Variants in TRPM3 observed in about 807,000 individuals in gnomAD.
The protein encoded by TRPM3 is long transient receptor potential channel 3.
TRPM3 carries 77 observed loss-of-function variants against 181.2 expected under a neutral mutation model. The ratio of observed to expected loss-of-function variants is 0.42; its 90% confidence interval spans 0.35 to 0.51. The LOEUF is 0.51. Among genes scored for constraint, TRPM3 ranks in the 20% least tolerant of loss-of-function variants. TRPM3 has a pLI of 0.01. For synonymous variants in TRPM3, 745 were observed against 796.4 expected (o/e 0.94, Z 1.09); for missense variants, 1,759 against 2,196.7 (o/e 0.80, Z 3.98).
At chr9:70,938,871 T>C (rs1306818561) in intron 1 of TRPM3, among the ~76,000 whole-genome samples, 2 of 151,062 alleles carry the variant, frequency 1.3e-5, no homozygotes, top group East Asian at 3.9e-4. Flanking sequence ...GGCAGGAGAA[T>C]GGCATGAACC....
At chr9:70,810,184 C>T in intron 6 of TRPM3, 1 of 441,736 alleles carries the variant, frequency 2.3e-6, no homozygotes. Context: ...CTCTGCTTGC[C>T]TCCACCCCCA....
intron 1 of TRPM3, among the ~76,000 whole-genome samples, chr9:70,905,538 A>G (rs1413578582): frequency 6.6e-6 from 1 of 152,212 alleles, no homozygotes; most frequent in African/African-American, 2.4e-5. Context: ...AATAAAATAT[A>G]TTTAGTTATT....
At chr9:70,635,630 A>T (rs577503528) in intron 11 of TRPM3, among the ~76,000 whole-genome samples, 55 of 146,158 alleles carry the variant, frequency 3.8e-4, no homozygotes, top group Admixed American at 4.1e-4. Context: ...TTTTGATAAA[A>T]TTTTTTTTTT....
chr9:70,838,209 A>T (rs1564525738), intron 5 of TRPM3, among the ~76,000 whole-genome samples: 1 of 152,156 alleles, frequency 6.6e-6, no homozygotes, highest in Non-Finnish European at 1.5e-5. Flanking sequence ...TTCAGTCCTC[A>T]TTTTGGGGAG....
At chr9:71,105,912 G>A (rs1213635380) in intron 1 of TRPM3, among the ~76,000 whole-genome samples, 1 of 152,166 alleles carries the variant, frequency 6.6e-6, no homozygotes, top group Non-Finnish European at 1.5e-5. Context: ...TTTCTAGGGT[G>A]ATGCCAATTA....
At chr9:70,650,922 C>T (rs1340668114) in intron 9 of TRPM3, among the ~76,000 whole-genome samples, 2 of 152,094 alleles carry the variant, frequency 1.3e-5, no homozygotes, top group Non-Finnish European at 2.9e-5. Flanking sequence ...ATGAGTGCTT[C>T]AATAAGATTA....
intron 9 of TRPM3, among the ~76,000 whole-genome samples, chr9:70,669,695 G>A (rs2062538167): frequency 6.6e-6 from 1 of 151,858 alleles, no homozygotes. Flanking sequence ...AAAGAGAAGA[G>A]GTGGTTTCAT....
chr9:70,899,602 C>A (rs1351604773), intron 1 of TRPM3, among the ~76,000 whole-genome samples: 1 of 152,048 alleles, frequency 6.6e-6, no homozygotes, highest in African/African-American at 2.4e-5. Context: ...TGCTGTCTTG[C>A]AAAACTTTTA....
At position 70,628,743 on chromosome 9, in the gene TRPM3, C is replaced by T. The variant is rs575025893; in HGVS notation, c.1633-3226G>A. Among the ~76,000 whole-genome samples the T allele has an allele frequency of 4.9e-5, 7 of 143,302 alleles. 1 individual carries two copies. In the South Asian group the frequency reaches 1.1e-3, roughly 23 times the overall value. The allele number at this position is 143,302 out of a possible 152,430, so 94.0% of individuals were successfully genotyped here. ...AGGCTGAGGCAGAATCGCTTGAACCCGGGAGGCAGATGTTGAAGTGAGCCG... is the reference window on the plus strand; with the variant it reads ...AGGCTGAGGCAGAATCGCTTGAACCTGGGAGGCAGATGTTGAAGTGAGCCG... On this transcript the variant is annotated intron_variant, in intron 12 of 25. Coordinates refer to ENST00000677713, the MANE Select transcript of TRPM3 (RefSeq NM_001366145.2).
chr9:70,697,132 TACCCTGCAAACCAGCTTGACAAATTAAA>T (rs1166700082), intron 8 of TRPM3, among the ~76,000 whole-genome samples: 1 of 152,198 alleles, frequency 6.6e-6, no homozygotes. Flanking sequence ...CCAGTAGGTT[TACCCTGCAAACCAGCTTGACAAATTAAA>T]ACTAAAGCTG....
At chr9:71,320,888 C>T (rs545697637) in intron 1 of TRPM3, among the ~76,000 whole-genome samples, 1 of 152,216 alleles carries the variant, frequency 6.6e-6, no homozygotes, top group South Asian at 2.1e-4. Flanking sequence ...TCCCCTATCT[C>T]AGTGAATGAT....
At chr9:70,660,170 A>C (rs571926118) in intron 9 of TRPM3, among the ~76,000 whole-genome samples, 1 of 152,256 alleles carries the variant, frequency 6.6e-6, no homozygotes, top group South Asian at 2.1e-4. Flanking sequence ...AAAAAAGAAA[A>C]GGGGGAGTAT....
chr9:71,357,732 T>TA lies in TRPM3; in HGVS notation c.183+88920dup, dbSNP rs61173147. ...TCATTCTCAAGTGGTATGCTTTCCA[T>TA]AAAAAAAAAAAAAAAATGCATCTTT... On this transcript the variant is annotated intron_variant, in intron 1 of 24. Coordinates refer to the TRPM3 transcript ENST00000357533. Among the ~76,000 whole-genome samples, 1,237 of 149,140 alleles carry TA rather than the reference T, an allele frequency of 8.3e-3. 17 individuals carry two copies. The highest frequency in any genetic ancestry group is 0.028 in the African/African-American group (1,139 of 40,714).
At chr9:70,752,060 G>GCA (rs1564126123) in intron 8 of TRPM3, among the ~76,000 whole-genome samples, 344 of 144,640 alleles carry the variant, frequency 2.4e-3, no homozygotes, top group African/African-American at 8.6e-3. Flanking sequence ...GCGCGCGCGC[G>GCA]CGCATACACA....
chr9:71,307,453 T>C (rs980883545), intron 1 of TRPM3, among the ~76,000 whole-genome samples: 1 of 152,174 alleles, frequency 6.6e-6, no homozygotes, highest in Admixed American at 6.5e-5. Flanking sequence ...ATATTTACTG[T>C]AATTTTTAGA....
intron 9 of TRPM3, among the ~76,000 whole-genome samples, chr9:70,659,970 G>T (rs887355784): frequency 6.6e-6 from 1 of 152,160 alleles, no homozygotes; most frequent in Non-Finnish European, 1.5e-5. Context: ...TTTGTCTGTT[G>T]TTGTTTTTCT....
chr9:70,846,309 G>T, intron 4 of TRPM3, 69 bp downstream of exon 4: 1 of 1,439,288 alleles, frequency 6.9e-7, no homozygotes, highest in Non-Finnish European at 9.8e-7. Context: ...ATTAATCTTA[G>T]CAGAAAATTA....
At chr9:71,296,270 T>C (rs1347342669) in intron 1 of TRPM3, among the ~76,000 whole-genome samples, 3 of 152,144 alleles carry the variant, frequency 2.0e-5, no homozygotes, top group Non-Finnish European at 2.9e-5. Flanking sequence ...CTGTGAATGA[T>C]ATTAACAAGG....
intron 6 of TRPM3, among the ~76,000 whole-genome samples, chr9:70,803,237 A>C (rs541786311): frequency 6.6e-5 from 10 of 151,996 alleles, no homozygotes; most frequent in African/African-American, 2.4e-4. Flanking sequence ...GTCTCTTCCT[A>C]CTTGGCCCGT....
Sources: gnomAD v4.1 joint callset for allele counts (sites outside exome capture counted in the v4.1 genomes callset) on GRCh38, gnomAD v4.1.1 for gene constraint, MANE v1.5 for transcripts, NCBI Gene and HGNC (gene_info 2026-07-23, HGNC 2026-07-21) for gene names.